ST6GALNAC3: variants seen among roughly 807,000 people sequenced by gnomAD.
ST6GALNAC3 encodes alpha-N-acetylgalactosaminide alpha-2,6-sialyltransferase 3.
Under a neutral mutation model 32.7 loss-of-function variants are expected in ST6GALNAC3, and 25 were observed. The ratio of observed to expected loss-of-function variants is 0.76; its 90% CI spans 0.56 to 1.07. The LOEUF is 1.07. Ranked by LOEUF, ST6GALNAC3 falls within the 50% of genes least tolerant of loss-of-function variation. The pLI is 0.00. For synonymous variants in ST6GALNAC3, 129 were observed against 133.1 expected (o/e 0.97, Z 0.21); for missense variants, 355 against 382.4 (o/e 0.93, Z 0.60).
intron 3 of ST6GALNAC3, among the ~76,000 whole-genome samples, chr1:76,481,078 C>T (rs1309430168): frequency 6.6e-6 from 1 of 152,074 alleles, no homozygotes; most frequent in Non-Finnish European, 1.5e-5. Context: ...AGTTAGGTCC[C>T]TTCTGAGCTT....
chr1:76,260,912 A>G (rs1200786471), intron 1 of ST6GALNAC3, among the ~76,000 whole-genome samples: 2 of 152,020 alleles, frequency 1.3e-5, no homozygotes, highest in East Asian at 1.9e-4. Context: ...AAAAAATAGA[A>G]AAAAGTCTAA....
chr1:76,242,287 A>G (rs1000487324), intron 1 of ST6GALNAC3, among the ~76,000 whole-genome samples: 3 of 152,130 alleles, frequency 2.0e-5, no homozygotes, highest in Non-Finnish European at 4.4e-5. Context: ...GAGATAAAGG[A>G]AAACCCTGGG....
intron 3 of ST6GALNAC3, among the ~76,000 whole-genome samples, chr1:76,482,880 C>G (rs1287810120): frequency 2.3e-5 from 3 of 131,664 alleles, no homozygotes; most frequent in Non-Finnish European, 3.2e-5. Flanking sequence ...CCCCCCTCCC[C>G]CCACCCCACC....
intron 3 of ST6GALNAC3, among the ~76,000 whole-genome samples, chr1:76,491,854 A>T (rs1392200957): frequency 3.9e-5 from 6 of 152,126 alleles, no homozygotes; most frequent in Non-Finnish European, 7.3e-5. Flanking sequence ...TTATATCCTC[A>T]GTGTGCCTGA....
chr1:76,620,431 A>G (rs1291326807), intron 3 of ST6GALNAC3, among the ~76,000 whole-genome samples: 1 of 152,050 alleles, frequency 6.6e-6, no homozygotes. Flanking sequence ...ATCGTATGTC[A>G]AAATATCACA....
intron 1 of ST6GALNAC3, among the ~76,000 whole-genome samples, chr1:76,178,500 A>C (rs940868477): frequency 7.9e-5 from 12 of 152,328 alleles, no homozygotes; most frequent in Middle Eastern, 3.4e-3. Context: ...AGGTTTTGGA[A>C]TCTGACTGAT....
chr1:76,256,192 A>G (rs1383045453), intron 1 of ST6GALNAC3, among the ~76,000 whole-genome samples: 2 of 152,198 alleles, frequency 1.3e-5, no homozygotes, highest in South Asian at 2.1e-4. Flanking sequence ...TGTTATAAGA[A>G]GTGCTAAATT....
At chr1:76,390,419 A>C (rs4949713) in intron 2 of ST6GALNAC3, among the ~76,000 whole-genome samples, 84,529 of 152,168 alleles carry the variant, frequency 0.56, 25,677 homozygotes, top group Non-Finnish European at 0.68. Flanking sequence ...CGTTACTGAA[A>C]AATTATTAAC....
chr1:76,317,908 T>C (rs1357614119), intron 2 of ST6GALNAC3, among the ~76,000 whole-genome samples: 1 of 152,162 alleles, frequency 6.6e-6, no homozygotes, highest in Non-Finnish European at 1.5e-5. Flanking sequence ...AATCTGATTC[T>C]TTAGTTATCT....
At chr1:76,126,424 T>TTTCCTTCCTTCCTTCC (rs770778690) in intron 1 of ST6GALNAC3, among the ~76,000 whole-genome samples, 52 of 73,410 alleles carry the variant, frequency 7.1e-4, no homozygotes, top group African/African-American at 1.2e-3. Flanking sequence ...CCCTCCTGCC[T>TTTCCTTCCTTCCTTCC]TTCCTTCCTT....
At position 76,632,100 on chromosome 1, in the gene ST6GALNAC3, A is replaced by G. The variant is rs1023091685; in HGVS notation, c.*3294A>G. ...TACATCTATATACTTATAACTATAT[A>G]TAAAAGCATATATATAATCCTATAT... On this transcript the variant is annotated 3_prime_UTR_variant, in exon 5 of 5. Coordinates refer to ENST00000328299, the MANE Select transcript of ST6GALNAC3 (RefSeq NM_152996.4). 1.3e-5 allele frequency: 2 copies of G among 152,116 alleles called. No individual in the cohort carries two copies. The highest frequency in any genetic ancestry group is 2.9e-5 in the Non-Finnish European group (2 of 67,996). The allele number at this position is 152,116 out of a possible 1,614,324, so 9.4% of individuals were successfully genotyped here.
At position 76,468,159 on chromosome 1, in the gene ST6GALNAC3, T is replaced by A. The variant is rs551913722; in HGVS notation, c.623+55742T>A. Among the ~76,000 whole-genome samples the A allele has an allele frequency of 9.9e-5, 15 of 151,926 alleles. No homozygotes were observed. In the South Asian group the frequency reaches 3.1e-3, roughly 32 times the overall value. Reference sequence around the variant, plus strand: ...AATTCTGCAAAGATAGGCAAGTGAGTGAGGGTGGGTCTAGCTTAGTGTTTG... The same window carrying A: ...AATTCTGCAAAGATAGGCAAGTGAGAGAGGGTGGGTCTAGCTTAGTGTTTG... On this transcript the variant is annotated intron_variant, in intron 3 of 4. Transcript: ENST00000328299.
At chr1:76,534,451 CCCCCTGTAACT>C (rs1166618309) in intron 3 of ST6GALNAC3, among the ~76,000 whole-genome samples, 1 of 152,186 alleles carries the variant, frequency 6.6e-6, no homozygotes, top group Admixed American at 6.5e-5. Flanking sequence ...ATCCCTCTCA[CCCCCTGTAACT>C]CCCCTTCTCT....
At position 76,628,664 on chromosome 1, in the gene ST6GALNAC3, G is replaced by A; in HGVS notation, c.776G>A (p.Gly259Glu). 6.2e-7 allele frequency: 1 copy of A among 1,611,744 alleles called. No individual in the cohort carries two copies. Among genetic ancestry groups the A allele is most frequent in the South Asian group, 1.1e-5 (1 of 90,994 alleles). ...RKVPYHYYEQ[G>E]RDECDEYFLH... ...GTCCCCTACCATTATTATGAACAAG[G>A]AAGAGATGAGTGTGATGAATATTTT... The change falls in exon 5 of 5, where the codon GGA becomes GAA. Residue 259 changes from glycine (G) to glutamate (E), a missense_variant. Transcript: ENST00000328299.
At chr1:76,105,696 G>A (rs1162875445) in intron 1 of ST6GALNAC3, among the ~76,000 whole-genome samples, 1 of 152,132 alleles carries the variant, frequency 6.6e-6, no homozygotes, top group African/African-American at 2.4e-5. Context: ...GACATGACAA[G>A]GCAAGTTTTA....
At chr1:76,259,854 C>G (rs1658124716) in intron 1 of ST6GALNAC3, among the ~76,000 whole-genome samples, 1 of 152,062 alleles carries the variant, frequency 6.6e-6, no homozygotes, top group African/African-American at 2.4e-5. Flanking sequence ...AAACCCCTTT[C>G]CAAAATTTAA....
chr1:76,484,268 T>A (rs1260289820), intron 3 of ST6GALNAC3, among the ~76,000 whole-genome samples: 1 of 151,908 alleles, frequency 6.6e-6, no homozygotes, highest in East Asian at 1.9e-4. Context: ...GAAAGTCATT[T>A]GTAGCTTAAT....
chr1:76,210,191 C>T (rs1309809430), intron 1 of ST6GALNAC3, among the ~76,000 whole-genome samples: 4 of 152,182 alleles, frequency 2.6e-5, no homozygotes. Context: ...TTTTAAGCCC[C>T]ACATGCATTA....
At chr1:76,275,183 A>G (rs1199614675) in intron 1 of ST6GALNAC3, among the ~76,000 whole-genome samples, 2 of 152,290 alleles carry the variant, frequency 1.3e-5, no homozygotes, top group South Asian at 2.1e-4. Context: ...CTAAGGTGCA[A>G]TATGAATCAA....
Sources: allele counts gnomAD v4.1 joint callset (sites outside exome capture counted in the v4.1 genomes callset), GRCh38; gene constraint gnomAD v4.1.1; transcripts MANE v1.5; gene names NCBI Gene and HGNC (gene_info 2026-07-23, HGNC 2026-07-21).